KAZN: variants seen among roughly 807,000 people sequenced by gnomAD.
The protein encoded by KAZN is kazrin, periplakin interacting protein.
Under a neutral mutation model 87.4 loss-of-function variants are expected in KAZN, and 40 were observed. The ratio of observed to expected loss-of-function variants is 0.46; its 90% CI spans 0.36 to 0.60. The LOEUF (loss-of-function observed/expected upper bound fraction) is 0.60. Among genes scored for constraint, KAZN ranks in the 20% least tolerant of loss-of-function variants. The pLI, the probability that KAZN is intolerant of heterozygous loss-of-function variation, is 0.00. For missense variants in KAZN, 898 were observed against 1,073.9 expected (o/e 0.84, Z 2.29); for synonymous variants, 466 against 458.3 (o/e 1.02, Z -0.22).
intron 1 of KAZN, among the ~76,000 whole-genome samples, chr1:14,701,003 A>G (rs1313408471): frequency 6.6e-6 from 1 of 152,242 alleles, no homozygotes; most frequent in African/African-American, 2.4e-5. Context: ...TGCTAAATGA[A>G]GAAGCCGGAG....
intron 2 of KAZN, among the ~76,000 whole-genome samples, chr1:14,560,853 G>A (rs1674210709): frequency 6.6e-6 from 1 of 152,090 alleles, no homozygotes; most frequent in African/African-American, 2.4e-5. Flanking sequence ...CTCAGGTATT[G>A]AATAAGTAGA....
At chr1:14,398,043 AG>A (rs929093301) in intron 2 of KAZN, among the ~76,000 whole-genome samples, 4 of 152,150 alleles carry the variant, frequency 2.6e-5, no homozygotes, top group Non-Finnish European at 5.9e-5. Context: ...TAGATGCACA[AG>A]TGAGTCTAGC....
At chr1:14,327,942 A>G (rs1410657132) in intron 2 of KAZN, among the ~76,000 whole-genome samples, 1 of 152,258 alleles carries the variant, frequency 6.6e-6, no homozygotes, top group Non-Finnish European at 1.5e-5. Flanking sequence ...CTTTCATAAT[A>G]AAATTACATT....
At chr1:14,672,355 T>G (rs183191378) in intron 1 of KAZN, among the ~76,000 whole-genome samples, 170 of 152,304 alleles carry the variant, frequency 1.1e-3, no homozygotes, top group African/African-American at 3.9e-3. Flanking sequence ...CATTCACAGC[T>G]GGGTTTTAAT....
At chr1:14,225,260 A>G (rs1647221613) in intron 2 of KAZN, among the ~76,000 whole-genome samples, 1 of 152,126 alleles carries the variant, frequency 6.6e-6, no homozygotes, top group Non-Finnish European at 1.5e-5. Flanking sequence ...ACCAACATCC[A>G]AGCTGAGAGT....
At chr1:14,841,541 T>C (rs758645429) in intron 1 of KAZN, among the ~76,000 whole-genome samples, 9 of 150,538 alleles carry the variant, frequency 6.0e-5, no homozygotes, top group Non-Finnish European at 1.3e-4. Flanking sequence ...CTTTTTTAAA[T>C]CCCTGGAGCA....
chr1:14,288,068 G>T (rs1337037527), intron 2 of KAZN, among the ~76,000 whole-genome samples: 1 of 152,150 alleles, frequency 6.6e-6, no homozygotes, highest in Non-Finnish European at 1.5e-5. Flanking sequence ...ATGTGCTGCT[G>T]GATTCAGTTT....
chr1:14,452,640 G>A (rs111979450), intron 2 of KAZN, among the ~76,000 whole-genome samples: 3,695 of 152,264 alleles, frequency 0.024, 61 homozygotes, highest in East Asian at 0.053. Context: ...GGAAGAGTCA[G>A]ATGGAAAGTG....
At chr1:14,256,242 C>T (rs1650503483) in intron 2 of KAZN, among the ~76,000 whole-genome samples, 1 of 152,156 alleles carries the variant, frequency 6.6e-6, no homozygotes, top group Non-Finnish European at 1.5e-5. Flanking sequence ...GGTATTGCAA[C>T]TCACCCTGGT....
intron 2 of KAZN, among the ~76,000 whole-genome samples, chr1:14,503,176 G>A (rs1670357982): frequency 6.6e-6 from 1 of 151,868 alleles, no homozygotes; most frequent in South Asian, 2.1e-4. Context: ...CAATCTCAGA[G>A]AGGTATTATT....
At chr1:14,536,463 G>T (rs942570064) in intron 2 of KAZN, among the ~76,000 whole-genome samples, 1 of 152,182 alleles carries the variant, frequency 6.6e-6, no homozygotes, top group Admixed American at 6.5e-5. Context: ...TTCCAGCAAG[G>T]TTCCACTGGA....
intron 2 of KAZN, among the ~76,000 whole-genome samples, chr1:14,470,940 A>T (rs1211964643): frequency 6.6e-6 from 1 of 152,112 alleles, no homozygotes; most frequent in Non-Finnish European, 1.5e-5. Context: ...GCATGTTGTG[A>T]GGACACTCAA....
intron 2 of KAZN, among the ~76,000 whole-genome samples, chr1:14,263,642 G>A (rs989619208): frequency 1.3e-5 from 2 of 152,154 alleles, no homozygotes; most frequent in Non-Finnish European, 2.9e-5. Context: ...GGGAGCGGGG[G>A]CAGGGTGGGG....
chr1:14,502,398 GC>G (rs778484857), intron 2 of KAZN, among the ~76,000 whole-genome samples: 3 of 152,148 alleles, frequency 2.0e-5, no homozygotes, highest in Non-Finnish European at 2.9e-5. Context: ...CCTGGTCCTT[GC>G]CCTCAGACAA....
At chr1:15,014,017 G>A (rs988288282) in intron 2 of KAZN, among the ~76,000 whole-genome samples, 22 of 152,136 alleles carry the variant, frequency 1.4e-4, no homozygotes, top group Admixed American at 1.4e-3. Context: ...ACCCATGGCC[G>A]AGAGCCTCAC....
chr1:14,781,917 C>T (rs188092339), intron 1 of KAZN, among the ~76,000 whole-genome samples: 6 of 152,302 alleles, frequency 3.9e-5, no homozygotes, highest in East Asian at 1.9e-4. Flanking sequence ...CTGAATTCCA[C>T]GATCCATGTT....
intron 2 of KAZN, among the ~76,000 whole-genome samples, chr1:14,378,406 ACCTT>A (rs1303793300): frequency 6.6e-6 from 1 of 152,218 alleles, no homozygotes; most frequent in African/African-American, 2.4e-5. Context: ...CGAAGAAACA[ACCTT>A]CATGAGAACC....
At chr1:15,087,951 G>A (rs1418650698) in intron 8 of KAZN, among the ~76,000 whole-genome samples, 3 of 152,208 alleles carry the variant, frequency 2.0e-5, no homozygotes, top group African/African-American at 7.2e-5. Flanking sequence ...GAAAACCGAG[G>A]TTGAGAAAAT....
intron 2 of KAZN, among the ~76,000 whole-genome samples, chr1:14,254,660 C>T (rs1650341280): frequency 6.6e-6 from 1 of 151,966 alleles, no homozygotes; most frequent in Non-Finnish European, 1.5e-5. Flanking sequence ...GACTTGCAGG[C>T]TAGGTCATTC....
Sources: allele counts gnomAD v4.1 joint callset (sites outside exome capture counted in the v4.1 genomes callset), GRCh38; gene constraint gnomAD v4.1.1; transcripts MANE v1.5; gene names NCBI Gene and HGNC (gene_info 2026-07-23, HGNC 2026-07-21).